Variants in TXNRD1 observed in about 807,000 individuals in gnomAD.
TXNRD1 encodes thioredoxin reductase 1, cytoplasmic.
A neutral mutation model predicts 80.3 loss-of-function variants in TXNRD1; 57 were observed. The ratio of observed to expected loss-of-function variants is 0.71; its 90% CI spans 0.57 to 0.89. TXNRD1 has a LOEUF of 0.89. TXNRD1 is among the 40% of genes least tolerant of loss of function. The pLI is 0.00. For synonymous variants in TXNRD1, 291 were observed against 285.2 expected, an observed-to-expected ratio of 1.02 and a Z score of -0.20; for missense variants, 730 against 803.0, an observed-to-expected ratio of 0.91 and a Z score of 1.10.
chr12:104,333,641 GA>G (rs1279740046), intron 14 of TXNRD1, among the ~76,000 whole-genome samples: 19 of 149,590 alleles, frequency 1.3e-4, no homozygotes, highest in African/African-American at 2.2e-4. Context: ...GCAGCTGGAG[GA>G]AAAAAAAAAT....
chr12:104,243,924 G>A (rs1240452326), intron 1 of TXNRD1, among the ~76,000 whole-genome samples: 2 of 152,114 alleles, frequency 1.3e-5, no homozygotes, highest in Non-Finnish European at 2.9e-5. Context: ...CATTGTCCTG[G>A]TTTACTGTGA....
rs59924751 is a variant in TXNRD1 at position 104,249,935 on chromosome 12, CAA to C, written c.92-1573_92-1572del. Among the ~76,000 whole-genome samples, 559 of 102,472 alleles carry C rather than the reference CAA, an allele frequency of 5.5e-3. 1 individual carries two copies. Among genetic ancestry groups the C allele is most frequent in the African/African-American group, 0.02 (524 of 26,526 alleles). 67.2% of individuals were successfully genotyped at this position (102,472 alleles called of 152,430 possible). The stretch of plus-strand genomic sequence containing the variant: ...TTGGCAACAGAGCGAGACGCCGTCT[CAA>C]AAAAAAAAAAAAAAAAAAGTGAAAG... On this transcript the variant is annotated intron_variant, in intron 1 of 16. Coordinates refer to ENST00000525566, the MANE Select transcript of TXNRD1 (RefSeq NM_001093771.3).
chr12:104,271,187 T>C (rs147352756), intron 3 of TXNRD1, among the ~76,000 whole-genome samples: 9,394 of 143,854 alleles, frequency 0.065, 406 homozygotes, highest in Middle Eastern at 0.15. Flanking sequence ...TTCTTTCTTT[T>C]TTTTTTTTTT....
At chr12:104,303,851 G>T in intron 4 of TXNRD1, 2 of 1,447,082 alleles carry the variant, frequency 1.4e-6, no homozygotes, top group South Asian at 1.4e-5. Context: ...CCGGAAGGGA[G>T]ACGAAGAGAA....
intron 4 of TXNRD1, among the ~76,000 whole-genome samples, chr12:104,289,920 C>T (rs1385108472): frequency 1.3e-5 from 2 of 152,124 alleles, no homozygotes; most frequent in East Asian, 1.9e-4. Flanking sequence ...CCAGGCTGGT[C>T]TCAAACTCCT....
intron 3 of TXNRD1, among the ~76,000 whole-genome samples, chr12:104,282,682 AT>A (rs1450446946): frequency 2.0e-5 from 3 of 152,162 alleles, no homozygotes; most frequent in Non-Finnish European, 4.4e-5. Flanking sequence ...GTTGGGGCAC[AT>A]GGGATCATGA....
At chr12:104,345,105 GAAGA>G (rs1366850100) in intron 16 of TXNRD1, among the ~76,000 whole-genome samples, 4 of 152,184 alleles carry the variant, frequency 2.6e-5, no homozygotes, top group African/African-American at 4.8e-5. Flanking sequence ...TAGAAACGAA[GAAGA>G]AAGTTTAGAA....
chr12:104,303,136 C>T (rs891956457), intron 4 of TXNRD1, among the ~76,000 whole-genome samples: 3 of 152,160 alleles, frequency 2.0e-5, no homozygotes, highest in Non-Finnish European at 4.4e-5. Context: ...GAGTAATGCC[C>T]GTGCCCAGCA....
chr12:104,296,875 G>A (rs2034452694), intron 4 of TXNRD1, among the ~76,000 whole-genome samples: 1 of 152,236 alleles, frequency 6.6e-6, no homozygotes, highest in Admixed American at 6.5e-5. Flanking sequence ...ATGCAGGTGT[G>A]TCCAGGTCAG....
chr12:104,315,186 G>T (rs2035280592), intron 6 of TXNRD1, among the ~76,000 whole-genome samples: 1 of 152,168 alleles, frequency 6.6e-6, no homozygotes, highest in African/African-American at 2.4e-5. Context: ...ACTACATCCT[G>T]ATAAAATCCT....
rs34185842 is a variant in TXNRD1, at chr12:104,311,105, A to G, written c.415-185A>G. 6.0e-3 allele frequency among the ~76,000 whole-genome samples: 920 copies of G among 152,366 alleles called. 8 individuals carry two copies. Among genetic ancestry groups the G allele is most frequent in the African/African-American group, 0.021 (877 of 41,578 alleles). The stretch of plus-strand genomic sequence containing the variant: ...GACCGTCTTTGGGGTTAATAAACTA[A>G]GATAAAGCAAGCAGTTCACAACTTT... On this transcript the variant is annotated intron_variant, in intron 4 of 16. Coordinates refer to ENST00000525566, the MANE Select transcript of TXNRD1 (RefSeq NM_001093771.3).
chr12:104,322,714 A>T (rs911691931), intron 10 of TXNRD1, among the ~76,000 whole-genome samples: 1 of 152,054 alleles, frequency 6.6e-6, no homozygotes, highest in Non-Finnish European at 1.5e-5. Flanking sequence ...TATATATGCT[A>T]TATTTGCATT....
At chr12:104,303,454 A>G (rs2034725081) in intron 4 of TXNRD1, among the ~76,000 whole-genome samples, 1 of 152,232 alleles carries the variant, frequency 6.6e-6, no homozygotes, top group Non-Finnish European at 1.5e-5. Context: ...AGCGTTTTAA[A>G]GCGCAGGACC....
chr12:104,313,396 C>A, intron 6 of TXNRD1, 79 bp downstream of exon 6: 2 of 1,145,834 alleles, frequency 1.7e-6, no homozygotes, highest in Non-Finnish European at 1.2e-6. Context: ...TTCCTAAAGC[C>A]TAATTAAAAA....
At chr12:104,340,541 C>G (rs1256381263) in intron 16 of TXNRD1, among the ~76,000 whole-genome samples, 2 of 152,192 alleles carry the variant, frequency 1.3e-5, no homozygotes, top group Non-Finnish European at 2.9e-5. Context: ...AGAATCCTCC[C>G]TTGCCTCTTC....
chr12:104,277,091 T>C (rs1189312654), intron 3 of TXNRD1, among the ~76,000 whole-genome samples: 2 of 151,268 alleles, frequency 1.3e-5, no homozygotes, highest in Non-Finnish European at 2.9e-5. Flanking sequence ...CTACAAAACA[T>C]TTTTTTAAAT....
intron 4 of TXNRD1, among the ~76,000 whole-genome samples, chr12:104,293,963 G>A (rs1449061288): frequency 6.6e-6 from 1 of 152,126 alleles, no homozygotes; most frequent in Non-Finnish European, 1.5e-5. Flanking sequence ...GAGGCAGAGA[G>A]GGAGAGGAGA....
At chr12:104,314,524 C>T (rs888291550) in intron 6 of TXNRD1, among the ~76,000 whole-genome samples, 4 of 152,104 alleles carry the variant, frequency 2.6e-5, no homozygotes, top group African/African-American at 9.7e-5. Context: ...TTACTTTGAG[C>T]TGTGAAGTCT....
At chr12:104,256,017 A>C (rs2033241605) in intron 2 of TXNRD1, among the ~76,000 whole-genome samples, 1 of 152,190 alleles carries the variant, frequency 6.6e-6, no homozygotes, top group Admixed American at 6.5e-5. Flanking sequence ...ATTTCTTCTG[A>C]GGGTGTACAA....
Sources: gnomAD v4.1 joint callset for allele counts (sites outside exome capture counted in the v4.1 genomes callset) on GRCh38, gnomAD v4.1.1 for gene constraint, MANE v1.5 for transcripts, NCBI Gene and HGNC (gene_info 2026-07-23, HGNC 2026-07-21) for gene names.